Variants in R3HDM1 observed in about 807,000 individuals in gnomAD.
R3HDM1 encodes the protein R3H domain containing 1.
In R3HDM1, 46 loss-of-function variants were observed where a neutral mutation model predicts 141.1. The observed-to-expected ratio is 0.33, with a 90% CI of 0.26 to 0.42. The LOEUF is 0.42. Among genes scored for constraint, R3HDM1 ranks in the 10% least tolerant of loss-of-function variants. R3HDM1 has a pLI of 1.00. For synonymous variants in R3HDM1, 435 were observed against 472.9 expected (o/e 0.92, Z 1.04); for missense variants, 1,184 against 1,368.3 (o/e 0.87, Z 2.12).
At chr2:135,660,384 A>G (rs1188205993) in intron 18 of R3HDM1, among the ~76,000 whole-genome samples, 1 of 152,170 alleles carries the variant, frequency 6.6e-6, no homozygotes, top group Non-Finnish European at 1.5e-5. Flanking sequence ...TATAAGCCAT[A>G]TTTTAAATAA....
intron 19 of R3HDM1, chr2:135,667,888 C>G (rs1047543854): frequency 1.1e-5 from 5 of 460,294 alleles, no homozygotes; most frequent in Non-Finnish European, 1.4e-5. Flanking sequence ...AATGCCACTT[C>G]TCTAGGTGTC....
intron 19 of R3HDM1, chr2:135,669,440 C>G: frequency 4.1e-6 from 4 of 984,144 alleles, no homozygotes; most frequent in Non-Finnish European, 4.8e-6. Context: ...GACATTATTT[C>G]CAGTAATTAT....
intron 1 of R3HDM1, among the ~76,000 whole-genome samples, chr2:135,587,581 A>G (rs530284385): frequency 8.3e-4 from 127 of 152,258 alleles, no homozygotes; most frequent in African/African-American, 2.6e-3. Flanking sequence ...TATCAGATGC[A>G]TTGCTTCACC....
chr2:135,634,552 G>A (rs1468183148), intron 9 of R3HDM1, among the ~76,000 whole-genome samples: 2 of 152,170 alleles, frequency 1.3e-5, no homozygotes, highest in Admixed American at 1.3e-4. Context: ...GCTGAGACAG[G>A]AGAATCGCTT....
chr2:135,657,205 C>T (rs2066021975), intron 18 of R3HDM1, among the ~76,000 whole-genome samples: 2 of 151,802 alleles, frequency 1.3e-5, no homozygotes, highest in Non-Finnish European at 2.9e-5. Flanking sequence ...GAGTTCGAAA[C>T]CAGCCTGGCC....
intron 21 of R3HDM1, among the ~76,000 whole-genome samples, chr2:135,691,475 G>A (rs547849227): frequency 2.4e-4 from 36 of 151,930 alleles, no homozygotes; most frequent in South Asian, 1.9e-3. Context: ...TTAGCTGGGC[G>A]TGGTAGCTCA....
At chr2:135,653,621 T>C (rs2065407777) in intron 18 of R3HDM1, among the ~76,000 whole-genome samples, 1 of 152,224 alleles carries the variant, frequency 6.6e-6, no homozygotes, top group Non-Finnish European at 1.5e-5. Flanking sequence ...TCCAAATACG[T>C]AGGGGCTTTC....
chr2:135,565,868 G>A (rs1702677615), intron 1 of R3HDM1: 1 of 152,724 alleles, frequency 6.5e-6, no homozygotes, highest in African/African-American at 2.4e-5. Flanking sequence ...GACAGTTTGA[G>A]AGAGAAAGTG....
intron 19 of R3HDM1, chr2:135,670,493 T>A (rs1260647540): frequency 1.3e-6 from 1 of 777,948 alleles, no homozygotes; most frequent in East Asian, 1.3e-4. Context: ...TTTCTATTGA[T>A]AAGATGTGGA....
At position 135,548,153 on chromosome 2, in the gene R3HDM1, T is replaced by G. The variant is rs137927157; in HGVS notation, c.-250+16520T>G. Reference sequence around the variant, plus strand: ...CATATTCCTTTTGTACTTAGACATATTTCTAGTGTCTTCTAACATCTAGAT... The same window carrying G: ...CATATTCCTTTTGTACTTAGACATAGTTCTAGTGTCTTCTAACATCTAGAT... On this transcript the variant is annotated intron_variant, in intron 1 of 26. Coordinates refer to ENST00000683871, the MANE Select transcript of R3HDM1 (RefSeq NM_001378107.1). Among the ~76,000 whole-genome samples, 362 of 152,316 alleles carry G rather than the reference T, an allele frequency of 2.4e-3. 3 individuals carry two copies. Among genetic ancestry groups the G allele is most frequent in the African/African-American group, 8.1e-3 (337 of 41,570 alleles).
intron 1 of R3HDM1, among the ~76,000 whole-genome samples, chr2:135,555,621 T>G (rs1201870606): frequency 5.3e-5 from 8 of 152,198 alleles, no homozygotes; most frequent in Non-Finnish European, 1.2e-4. Context: ...CCAACGTTTA[T>G]AGCAGCACTA....
chr2:135,584,618 C>T (rs1021923620), intron 1 of R3HDM1, among the ~76,000 whole-genome samples: 9 of 152,242 alleles, frequency 5.9e-5, no homozygotes, highest in Non-Finnish European at 8.8e-5. Flanking sequence ...CTATTAACAG[C>T]GAAGTTACTT....
At position 135,586,795 on chromosome 2, in the gene R3HDM1, C is replaced by T. The variant is rs1274420681; in HGVS notation, c.-249-15705C>T. ...TGTAACTTACTGATAGAATGGTTTACCTGTGTGCTAATTGGTATTTGTGTA... is the reference window on the plus strand; with the variant it reads ...TGTAACTTACTGATAGAATGGTTTATCTGTGTGCTAATTGGTATTTGTGTA... On this transcript the variant is annotated intron_variant, in intron 1 of 26. Transcript: ENST00000683871. The T allele has an allele frequency of 1.4e-5, 14 of 984,782 alleles. No individual in the cohort carries two copies. The East Asian group carries it at 3.4e-4, about 24-fold the overall frequency. 61.0% of individuals were successfully genotyped at this position (984,782 alleles called of 1,614,324 possible). A position where few individuals can be genotyped will look rare whatever the true frequency, so the allele number is the denominator to read the frequency against.
At chr2:135,601,099 A>G (rs902258888) in intron 1 of R3HDM1, among the ~76,000 whole-genome samples, 2 of 152,210 alleles carry the variant, frequency 1.3e-5, no homozygotes, top group African/African-American at 4.8e-5. Flanking sequence ...TGCTTAGAGA[A>G]TGCTGCCATC....
chr2:135,719,847 T>TG (rs1491363189), intron 24 of R3HDM1, among the ~76,000 whole-genome samples: 2 of 144,140 alleles, frequency 1.4e-5, no homozygotes, highest in Non-Finnish European at 3.0e-5. Flanking sequence ...TTTTCTTTTC[T>TG]TTTTTTTTTT....
At chr2:135,681,612 A>C in intron 21 of R3HDM1, among the ~76,000 whole-genome samples, 1 of 152,180 alleles carries the variant, frequency 6.6e-6, no homozygotes. Flanking sequence ...ATCAAGCTAC[A>C]TGGTTCTTCA....
chr2:135,540,569 T>C (rs1216194446), intron 1 of R3HDM1, among the ~76,000 whole-genome samples: 1 of 152,096 alleles, frequency 6.6e-6, no homozygotes, highest in Non-Finnish European at 1.5e-5. Flanking sequence ...ACCACATCCG[T>C]CTATTTTTAT....
intron 1 of R3HDM1, among the ~76,000 whole-genome samples, chr2:135,548,060 C>T (rs1191533776): frequency 1.3e-5 from 2 of 152,166 alleles, no homozygotes; most frequent in Non-Finnish European, 1.5e-5. Context: ...GTGTGAGCCA[C>T]TGCCCCAGCC....
chr2:135,717,205 C>G (rs1047036221), intron 24 of R3HDM1, among the ~76,000 whole-genome samples: 10 of 151,970 alleles, frequency 6.6e-5, no homozygotes, highest in African/African-American at 2.4e-4. Context: ...TCTCACTTGC[C>G]AGGCATGGTG....
Sources: gnomAD v4.1 joint callset for allele counts (sites outside exome capture counted in the v4.1 genomes callset) on GRCh38, gnomAD v4.1.1 for gene constraint, MANE v1.5 for transcripts, NCBI Gene and HGNC (gene_info 2026-07-23, HGNC 2026-07-21) for gene names.